SHOC2: variants seen among roughly 807,000 people sequenced by gnomAD.
SHOC2 encodes the protein leucine-rich repeat protein SHOC-2.
Under a neutral mutation model 50.2 loss-of-function variants are expected in SHOC2, and 4 were observed. The ratio of observed to expected loss-of-function variants is 0.08; its 90% CI spans 0.04 to 0.18. The LOEUF (loss-of-function observed/expected upper bound fraction) is 0.18. Among genes scored for constraint, SHOC2 ranks in the 10% least tolerant of loss-of-function variants. The pLI, the probability that SHOC2 is intolerant of heterozygous loss-of-function variation, is 1.00. For missense variants in SHOC2, 388 were observed against 669.6 expected, an observed-to-expected ratio of 0.58 and a Z score of 4.64; for synonymous variants, 218 against 244.5, an observed-to-expected ratio of 0.89 and a Z score of 1.01.
At chr10:110,989,370 A>G (rs910790237) in intron 3 of SHOC2, among the ~76,000 whole-genome samples, 3 of 152,218 alleles carry the variant, frequency 2.0e-5, no homozygotes, top group African/African-American at 7.2e-5. Context: ...TCCTGTTGCC[A>G]TAGTTGCCTC....
intron 3 of SHOC2, among the ~76,000 whole-genome samples, chr10:110,994,683 A>G (rs912306519): frequency 6.6e-6 from 1 of 152,248 alleles, no homozygotes; most frequent in Non-Finnish European, 1.5e-5. Flanking sequence ...ACACATAAAC[A>G]TAAGAAATCC....
chr10:110,932,692 G>A lies in SHOC2; in HGVS notation c.-235+13035G>A, dbSNP rs140227499. Among the ~76,000 whole-genome samples, 680 of 152,104 alleles carry A rather than the reference G, an allele frequency of 4.5e-3. 10 individuals are homozygous for A. Among genetic ancestry groups the A allele is most frequent in the African/African-American group, 0.016 (662 of 41,490 alleles). On this transcript the variant is annotated intron_variant, in intron 1 of 8. Transcript: ENST00000369452. ...TTTCCTGATTCCCCTAACCTCCAAG[G>A]CTAATTCAGGTGCCTTCCCTTTGTG...
At chr10:110,991,563 A>G (rs1273773540) in intron 3 of SHOC2, among the ~76,000 whole-genome samples, 2 of 152,252 alleles carry the variant, frequency 1.3e-5, no homozygotes, top group Non-Finnish European at 2.9e-5. Flanking sequence ...AAAGTAAATT[A>G]GTAATATTTA....
chr10:110,922,153 A>C lies in SHOC2; in HGVS notation c.-235+2496A>C, dbSNP rs376216186. On this transcript the variant is annotated intron_variant, in intron 1 of 8. Coordinates refer to ENST00000369452, the MANE Select transcript of SHOC2 (RefSeq NM_007373.4). Reference sequence around the variant, plus strand: ...TTCCTTTGTCACACTTGCTGGAATTACGCCTTTAAAATGTTACTCTTTTTT... The same window carrying C: ...TTCCTTTGTCACACTTGCTGGAATTCCGCCTTTAAAATGTTACTCTTTTTT... 2.0e-5 allele frequency among the ~76,000 whole-genome samples: 3 copies of C among 152,126 alleles called. No individual in the cohort carries two copies. The East Asian group carries it at 5.8e-4, about 29-fold the overall frequency.
chr10:110,991,381 T>C (rs1848183587), intron 3 of SHOC2, among the ~76,000 whole-genome samples: 1 of 152,196 alleles, frequency 6.6e-6, no homozygotes, highest in African/African-American at 2.4e-5. Flanking sequence ...GAATAACACA[T>C]ATGCCTCACC....
chr10:110,970,232 TA>T (rs1220446556), intron 2 of SHOC2, among the ~76,000 whole-genome samples: 1 of 152,148 alleles, frequency 6.6e-6, no homozygotes, highest in Non-Finnish European at 1.5e-5. Flanking sequence ...CAGCCTCTAG[TA>T]ACCACTATTC....
At chr10:110,976,677 C>T (rs1268151690) in intron 2 of SHOC2, among the ~76,000 whole-genome samples, 3 of 152,014 alleles carry the variant, frequency 2.0e-5, no homozygotes, top group African/African-American at 4.8e-5. Flanking sequence ...CCTTTTTTCC[C>T]CCCTCAGTAT....
At chr10:110,935,524 A>G (rs1231206963) in intron 1 of SHOC2, among the ~76,000 whole-genome samples, 1 of 152,194 alleles carries the variant, frequency 6.6e-6, no homozygotes, top group Non-Finnish European at 1.5e-5. Context: ...GTGCTTATAA[A>G]TGCCTGTGTC....
intron 1 of SHOC2, among the ~76,000 whole-genome samples, chr10:110,943,229 T>C (rs1008464003): frequency 6.6e-6 from 1 of 151,872 alleles, no homozygotes; most frequent in Admixed American, 6.6e-5. Context: ...TCCACAGGTC[T>C]CTGAGGCTCC....
intron 1 of SHOC2, among the ~76,000 whole-genome samples, chr10:110,953,337 C>G (rs902792066): frequency 2.0e-5 from 3 of 152,096 alleles, no homozygotes; most frequent in African/African-American, 7.2e-5. Context: ...TCTTTTTATT[C>G]TCTCCCTGGT....
intron 2 of SHOC2, among the ~76,000 whole-genome samples, chr10:110,969,336 C>T (rs936696459): frequency 6.6e-6 from 1 of 152,148 alleles, no homozygotes; most frequent in African/African-American, 2.4e-5. Flanking sequence ...AGAGGGAAAA[C>T]AGGAAATAAG....
chr10:110,988,849 C>G, intron 3 of SHOC2: 4 of 450,266 alleles, frequency 8.9e-6, no homozygotes, highest in Non-Finnish European at 1.8e-5. Context: ...CAGCATCCCA[C>G]AAATTCTGAT....
At chr10:110,959,057 T>C (rs7901832) in intron 1 of SHOC2, among the ~76,000 whole-genome samples, 80,471 of 152,076 alleles carry the variant, frequency 0.53, 24,745 homozygotes, top group Non-Finnish European at 0.69. Flanking sequence ...TTATATGTTA[T>C]GTAAATGCTT....
Position 111,011,891 on chromosome 10 carries a change from A to C in SHOC2, c.*73A>C. On this transcript the variant is annotated 3_prime_UTR_variant, in exon 9 of 9. Coordinates refer to ENST00000369452, the MANE Select transcript of SHOC2 (RefSeq NM_007373.4). ...ATGTTTCTTATCTATATCTGTATCTATTTATGTAGATATTGGTATATGGCA... is the reference window on the plus strand; with the variant it reads ...ATGTTTCTTATCTATATCTGTATCTCTTTATGTAGATATTGGTATATGGCA... 8.4e-7 allele frequency: 1 copy of C among 1,186,218 alleles called. No homozygotes were observed. Among genetic ancestry groups the C allele is most frequent in the Non-Finnish European group, 1.3e-6 (1 of 798,308 alleles). 73.5% of individuals were successfully genotyped at this position (1,186,218 alleles called of 1,614,324 possible).
chr10:110,937,002 G>A (rs1335469202), intron 1 of SHOC2: 2 of 1,482,780 alleles, frequency 1.3e-6, no homozygotes, highest in South Asian at 2.3e-5. Context: ...CAGAAGATGG[G>A]GCTGGGGGCC....
chr10:110,936,520 CTATTGCAG>C, intron 1 of SHOC2: 1 of 600,394 alleles, frequency 1.7e-6, no homozygotes. Flanking sequence ...AGTAATTTTA[CTATTGCAG>C]TATTTATCTT....
chr10:111,001,865 C>G (rs1248616671), intron 4 of SHOC2, among the ~76,000 whole-genome samples: 1 of 152,114 alleles, frequency 6.6e-6, no homozygotes, highest in African/African-American at 2.4e-5. Flanking sequence ...TGGCAAAACC[C>G]TGTCTCCACT....
chr10:110,938,155 A>G (rs1298792729), intron 1 of SHOC2, among the ~76,000 whole-genome samples: 1 of 152,186 alleles, frequency 6.6e-6, no homozygotes, highest in Non-Finnish European at 1.5e-5. Context: ...GTTAAAAGAA[A>G]TATGTTTGAA....
intron 1 of SHOC2, among the ~76,000 whole-genome samples, chr10:110,959,264 A>G (rs546026001): frequency 2.0e-4 from 30 of 152,352 alleles, no homozygotes; most frequent in African/African-American, 6.3e-4. Context: ...CAGTATGAGT[A>G]TCAGTGATCA....
Sources: gnomAD v4.1 joint callset for allele counts (sites outside exome capture counted in the v4.1 genomes callset) on GRCh38, gnomAD v4.1.1 for gene constraint, MANE v1.5 for transcripts, NCBI Gene and HGNC (gene_info 2026-07-23, HGNC 2026-07-21) for gene names.